SHOC2: variants seen among roughly 807,000 people sequenced by gnomAD.
The protein encoded by SHOC2 is SHOC2 leucine rich repeat scaffold protein, also known as leucine-rich repeat protein SHOC-2.
A neutral mutation model predicts 50.2 loss-of-function variants in SHOC2; 4 were observed. The ratio of observed to expected loss-of-function variants is 0.08; its 90% CI spans 0.04 to 0.18. The LOEUF (loss-of-function observed/expected upper bound fraction) is 0.18. Among genes scored for constraint, SHOC2 ranks in the 10% least tolerant of loss-of-function variants. The pLI is 1.00. For missense variants in SHOC2, 388 were observed against 669.6 expected (o/e 0.58, Z 4.64); for synonymous variants, 218 against 244.5 (o/e 0.89, Z 1.01).
In SHOC2 at chr10:110,983,272, A is replaced by G. The variant is rs148872622; in HGVS notation, c.704-2356A>G. 1.4e-3 allele frequency among the ~76,000 whole-genome samples: 207 copies of G among 152,070 alleles called. 1 individual carries two copies. Among genetic ancestry groups the G allele is most frequent in the African/African-American group, 4.7e-3 (197 of 41,516 alleles). ...TATAAACATTGATTTTTTTCCACCAAAAAACTATCTTATATTTACATTATT... is the reference window on the plus strand; with the variant it reads ...TATAAACATTGATTTTTTTCCACCAGAAAACTATCTTATATTTACATTATT... On this transcript the variant is annotated intron_variant, in intron 2 of 8. Transcript: ENST00000369452.
At chr10:111,007,790 C>T (rs950119892) in intron 6 of SHOC2, 137 bp downstream of exon 6, 1 of 845,554 alleles carries the variant, frequency 1.2e-6, no homozygotes, top group East Asian at 2.7e-5. Context: ...AAACATACAA[C>T]CCTAATAGGA....
intron 3 of SHOC2, among the ~76,000 whole-genome samples, chr10:110,991,913 A>G (rs917177826): frequency 1.3e-5 from 2 of 152,196 alleles, no homozygotes; most frequent in Admixed American, 6.5e-5. Context: ...AGAAAGCCCA[A>G]CACCTGTTCT....
chr10:111,007,612 A>T lies in SHOC2; in HGVS notation c.1243A>T (p.Thr415Ser). ...VELNLATNQL[T>S]KIPEDVSGLV... Reference sequence around the variant, plus strand: ...ATTGAATTTAGCCACTAATCAGCTCACAAAGATCCCTGAGGATGTGTCTGG... The same window carrying T: ...ATTGAATTTAGCCACTAATCAGCTCTCAAAGATCCCTGAGGATGTGTCTGG... Residue 415 changes from threonine (T) to serine (S), a missense_variant, in exon 6 of 9, where the codon ACA becomes TCA. Thr to Ser is a moderately conservative substitution (Grantham distance 58, BLOSUM62 1). Transcript: ENST00000369452. 6.2e-7 allele frequency: 1 copy of T among 1,613,034 alleles called. No homozygotes were observed. Among genetic ancestry groups the T allele is most frequent in the Non-Finnish European group, 8.5e-7 (1 of 1,179,100 alleles).
intron 3 of SHOC2, among the ~76,000 whole-genome samples, chr10:111,000,198 G>A (rs1848344108): frequency 1.3e-5 from 2 of 152,114 alleles, no homozygotes; most frequent in African/African-American, 4.8e-5. Flanking sequence ...CTTAACAGCT[G>A]TGTATTTCAT....
At chr10:110,921,974 T>C (rs1417653070) in intron 1 of SHOC2, among the ~76,000 whole-genome samples, 5 of 152,118 alleles carry the variant, frequency 3.3e-5, no homozygotes, top group Non-Finnish European at 7.4e-5. Flanking sequence ...AGATCTTTTT[T>C]TTTTAGTTTT....
At chr10:110,984,941 T>G (rs917382748) in intron 2 of SHOC2, among the ~76,000 whole-genome samples, 8 of 152,104 alleles carry the variant, frequency 5.3e-5, no homozygotes, top group Non-Finnish European at 1.0e-4. Flanking sequence ...CTGAAAACAG[T>G]ACACAGATAA....
At chr10:110,967,350 G>A (rs574820216) in intron 2 of SHOC2, among the ~76,000 whole-genome samples, 1 of 152,234 alleles carries the variant, frequency 6.6e-6, no homozygotes, top group East Asian at 1.9e-4. Flanking sequence ...CATAGATTTT[G>A]ATTCTCTGGT....
At chr10:110,989,428 T>C (rs1302049033) in intron 3 of SHOC2, among the ~76,000 whole-genome samples, 1 of 152,240 alleles carries the variant, frequency 6.6e-6, no homozygotes, top group African/African-American at 2.4e-5. Flanking sequence ...AGTCATTTGC[T>C]CAAAAATGGT....
Position 110,964,224 on chromosome 10 carries a change from G to C in SHOC2, c.-135G>C. On this transcript the variant is annotated 5_prime_UTR_variant, in exon 2 of 9. Transcript: ENST00000369452. The surrounding 1 kb of genome is among the most constrained non-coding windows in gnomAD (Gnocchi z 4.9). ...TTTTAGATCCAACATGTAACAGATG[G>C]ATGTTACTCCATGCTGATTACTTCT... 1 of 1,339,682 alleles carries C rather than the reference G, an allele frequency of 7.5e-7. No individual in the cohort carries two copies. Among genetic ancestry groups the C allele is most frequent in the South Asian group, 1.4e-5 (1 of 71,434 alleles). 83.0% of individuals were successfully genotyped at this position (1,339,682 alleles called of 1,614,324 possible).
chr10:110,975,669 C>G (rs534652686), intron 2 of SHOC2, among the ~76,000 whole-genome samples: 1 of 151,986 alleles, frequency 6.6e-6, no homozygotes, highest in South Asian at 2.1e-4. Flanking sequence ...GATTGTGTTG[C>G]CTTTTCCAGT....
chr10:110,987,556 A>G (rs1177866747), intron 3 of SHOC2, among the ~76,000 whole-genome samples: 3 of 152,226 alleles, frequency 2.0e-5, no homozygotes, highest in Non-Finnish European at 2.9e-5. Context: ...TCCAACACAT[A>G]ATGAATTATT....
intron 1 of SHOC2, among the ~76,000 whole-genome samples, chr10:110,961,010 G>T (rs1008596913): frequency 2.0e-5 from 3 of 152,062 alleles, no homozygotes; most frequent in Non-Finnish European, 4.4e-5. Context: ...GGTCACTAAT[G>T]GTTAAGTGTA....
rs1206097732 is a variant in SHOC2 at position 110,964,536 on chromosome 10, G to T, written c.178G>T (p.Ala60Ser). 1 of 1,614,076 alleles carries T rather than the reference G, an allele frequency of 6.2e-7. No homozygotes were observed. The highest frequency in any genetic ancestry group is 8.5e-7 in the Non-Finnish European group (1 of 1,180,008). ...AGATGGAAAGAAGGACTCCAGTGCT[G>T]CCCAACCAGGGGTGGCATTTTCAGT... ...AKDGKKDSSA[A>S]QPGVAFSVDN... is the part of the protein sequence containing the mutation. Residue 60 changes from alanine (A) to serine (S), a missense_variant, in exon 2 of 9, where the codon GCC becomes TCC. Physicochemically the swap from Ala to Ser is moderately conservative, Grantham distance 99 (BLOSUM62 1). Transcript: ENST00000369452. The surrounding 1 kb of genome is among the most constrained non-coding windows in gnomAD (Gnocchi z 4.9).
chr10:110,970,766 C>T (rs1200333658), intron 2 of SHOC2, among the ~76,000 whole-genome samples: 1 of 149,836 alleles, frequency 6.7e-6, no homozygotes, highest in African/African-American at 2.5e-5. Flanking sequence ...GATAGCCATT[C>T]CAATAGGGTT....
intron 3 of SHOC2, among the ~76,000 whole-genome samples, chr10:111,000,133 G>C (rs1848342898): frequency 6.6e-6 from 1 of 152,154 alleles, no homozygotes; most frequent in African/African-American, 2.4e-5. Context: ...CTTATCTAAA[G>C]ATTAACTTGT....
At position 111,009,524 on chromosome 10, in the gene SHOC2, A is replaced by C. The variant is rs1292428278; in HGVS notation, c.1422+139A>C. On this transcript the variant is annotated intron_variant, in intron 7 of 8. Transcript: ENST00000369452. Reference sequence around the variant, plus strand: ...AGTATTAGGGCTGAGTTTTATGTTCATATAACCTGGCTTTGTTTTCCTAAC... The same window carrying C: ...AGTATTAGGGCTGAGTTTTATGTTCCTATAACCTGGCTTTGTTTTCCTAAC... 7 of 863,936 alleles carry C rather than the reference A, an allele frequency of 8.1e-6. No individual in the cohort carries two copies. In the East Asian group the frequency reaches 1.6e-4, roughly 20 times the overall value. The allele number at this position is 863,936 out of a possible 1,614,324, so 53.5% of individuals were successfully genotyped here.
intron 1 of SHOC2, among the ~76,000 whole-genome samples, chr10:110,937,963 G>T (rs994267118): frequency 2.2e-4 from 33 of 152,106 alleles, no homozygotes; most frequent in Admixed American, 9.2e-4. Context: ...TTCCTTAGAT[G>T]GTGATTCTTC....
intron 2 of SHOC2, 66 bp downstream of exon 2, chr10:110,965,127 C>G: frequency 7.1e-7 from 1 of 1,405,170 alleles, no homozygotes; most frequent in Non-Finnish European, 1.0e-6. Context: ...AGTGCTTTCT[C>G]ATATCAAAAA....
At chr10:110,972,197 T>G (rs531522833) in intron 2 of SHOC2, among the ~76,000 whole-genome samples, 1 of 151,512 alleles carries the variant, frequency 6.6e-6, no homozygotes, top group East Asian at 1.9e-4. Flanking sequence ...GATTTTAGTA[T>G]TATATACTTT....
Sources: gnomAD v4.1 joint callset for allele counts (sites outside exome capture counted in the v4.1 genomes callset) on GRCh38, gnomAD v4.1.1 for gene constraint, Gnocchi (gnomAD v3.1) non-coding constraint, MANE v1.5 for transcripts, NCBI Gene and HGNC (gene_info 2026-07-23, HGNC 2026-07-21) for gene names.